RGS6: variants seen among roughly 807,000 people sequenced by gnomAD.
The protein encoded by RGS6 is regulator of G protein signaling 6, also known as regulator of G-protein signaling 6.
In RGS6, 30 loss-of-function variants were observed where a neutral mutation model predicts 78.5. That is an observed-to-expected ratio of 0.38 (90% CI 0.29 to 0.52). RGS6 has a LOEUF of 0.52. RGS6 is among the 20% of genes least tolerant of loss of function. The pLI, the probability that RGS6 is intolerant of heterozygous loss-of-function variation, is 0.85. For synonymous variants in RGS6, 206 were observed against 206.0 expected, an observed-to-expected ratio of 1.00 and a Z score of 0.00; for missense variants, 495 against 609.7, an observed-to-expected ratio of 0.81 and a Z score of 1.98.
At chr14:72,078,604 C>T (rs1039775411) in intron 2 of RGS6, among the ~76,000 whole-genome samples, 2 of 151,918 alleles carry the variant, frequency 1.3e-5, no homozygotes, top group South Asian at 2.1e-4. Context: ...TTAGTAGAGA[C>T]GGGGTTTCAC....
the RGS6 span, among the ~76,000 whole-genome samples, chr14:71,892,620 C>G: frequency 2.2e-4 from 33 of 152,314 alleles, no homozygotes; most frequent in South Asian, 3.3e-3. Context: ...CGAGCTCTTC[C>G]AAGGATGTGG....
chr14:72,065,282 A>AT (rs1481541059), intron 2 of RGS6, among the ~76,000 whole-genome samples: 1 of 152,058 alleles, frequency 6.6e-6, no homozygotes, highest in African/African-American at 2.4e-5. Flanking sequence ...TACAAATTGC[A>AT]TTTTTTCCTG....
chr14:72,199,466 C>A (rs1334746821), intron 2 of RGS6, among the ~76,000 whole-genome samples: 1 of 152,146 alleles, frequency 6.6e-6, no homozygotes, highest in Non-Finnish European at 1.5e-5. Context: ...TTTTATCTTT[C>A]TTTTAGAAAG....
the RGS6 span, among the ~76,000 whole-genome samples, chr14:72,628,291 A>G: frequency 6.6e-6 from 1 of 152,088 alleles, no homozygotes; most frequent in Non-Finnish European, 1.5e-5. Flanking sequence ...ATATCCCACA[A>G]TCACTATTTT....
chr14:72,018,695 G>A (rs1596160938), intron 2 of RGS6, among the ~76,000 whole-genome samples: 1 of 152,220 alleles, frequency 6.6e-6, no homozygotes, highest in Non-Finnish European at 1.5e-5. Context: ...CTCGGGCAGA[G>A]CCCACAGACT....
intron 2 of RGS6, among the ~76,000 whole-genome samples, chr14:72,113,813 G>T (rs1373778943): frequency 6.6e-6 from 1 of 152,174 alleles, no homozygotes; most frequent in Non-Finnish European, 1.5e-5. Context: ...AAGTCGCATG[G>T]CTGTGCCCAA....
chr14:72,100,409 C>T (rs1018607804), intron 2 of RGS6, among the ~76,000 whole-genome samples: 3 of 152,112 alleles, frequency 2.0e-5, no homozygotes, highest in Non-Finnish European at 2.9e-5. Flanking sequence ...GCAGGAGAAT[C>T]GCTTGAACCT....
chr14:72,032,831 A>G (rs1436986704), intron 2 of RGS6, among the ~76,000 whole-genome samples: 1 of 152,188 alleles, frequency 6.6e-6, no homozygotes, highest in African/African-American at 2.4e-5. Flanking sequence ...ATATATATGT[A>G]TATCAAATTT....
chr14:71,999,625 ATGAATG>A (rs1414573472), intron 2 of RGS6, among the ~76,000 whole-genome samples: 1 of 104,858 alleles, frequency 9.5e-6, no homozygotes, highest in Non-Finnish European at 2.3e-5. Flanking sequence ...TGGATCCTTC[ATGAATG>A]GTTTAGCACC....
At chr14:72,056,656 T>C (rs984336386) in intron 2 of RGS6, among the ~76,000 whole-genome samples, 5 of 152,230 alleles carry the variant, frequency 3.3e-5, no homozygotes, top group African/African-American at 9.6e-5. Flanking sequence ...TTTAGAAAAT[T>C]TATATTCATT....
chr14:72,284,920 T>A (rs2062243705), intron 2 of RGS6, among the ~76,000 whole-genome samples: 1 of 152,328 alleles, frequency 6.6e-6, no homozygotes, highest in East Asian at 1.9e-4. Flanking sequence ...AGGAGATCAT[T>A]TTCAAGCTTT....
intron 2 of RGS6, among the ~76,000 whole-genome samples, chr14:72,329,228 A>G (rs769922334): frequency 2.4e-4 from 37 of 152,380 alleles, no homozygotes; most frequent in Non-Finnish European, 4.3e-4. Flanking sequence ...TCTCTTGTCC[A>G]TTCTCATTTA....
At chr14:71,919,035 A>T in the RGS6 span, among the ~76,000 whole-genome samples, 3 of 151,884 alleles carry the variant, frequency 2.0e-5, no homozygotes, top group African/African-American at 7.3e-5. Flanking sequence ...ACCATATATG[A>T]TCTACCCCAG....
chr14:72,207,667 C>T (rs190387395), intron 2 of RGS6, among the ~76,000 whole-genome samples: 9 of 152,310 alleles, frequency 5.9e-5, no homozygotes, highest in Admixed American at 3.3e-4. Flanking sequence ...TCTCACTCTG[C>T]CTTCCGGTTT....
intron 2 of RGS6, among the ~76,000 whole-genome samples, chr14:72,277,326 G>A (rs1041117675): frequency 3.9e-5 from 6 of 152,150 alleles, no homozygotes; most frequent in African/African-American, 7.2e-5. Context: ...AGCCGGGTGC[G>A]GTGGCTCACG....
In RGS6 at chr14:72,473,027, C is replaced by T. The variant is rs10131497; in HGVS notation, c.618+74C>T. 0.12 allele frequency: 126,790 copies of T among 1,019,270 alleles called. 8,416 individuals carry two copies. The highest frequency in any genetic ancestry group is 0.18 in the Admixed American group (6,898 of 38,376). 63.1% of individuals were successfully genotyped at this position (1,019,270 alleles called of 1,614,324 possible). ...ATTTTTATCTCTATAAAGAAAAGAC[C>T]GTCTTTAGCCACCAGGTGTCTCATT... On this transcript the variant is annotated intron_variant, in intron 9 of 17. Coordinates refer to ENST00000553525, the MANE Select transcript of RGS6 (RefSeq NM_001204424.2).
In RGS6 at chr14:72,459,378, T is replaced by A. The variant is rs2238184; in HGVS notation, c.343-254T>A. Among the ~76,000 whole-genome samples the A allele has an allele frequency of 0.15, 22,319 of 152,272 alleles. 1,846 individuals carry two copies. The highest frequency in any genetic ancestry group is 0.24 in the Middle Eastern group (70 of 294). ...TACTTAGACCTCTATTGTCTCAGGA[T>A]AAGAATATATTGCCCTGTGAACAAA... On this transcript the variant is annotated intron_variant, in intron 5 of 17. Coordinates refer to ENST00000553525, the MANE Select transcript of RGS6 (RefSeq NM_001204424.2).
At chr14:72,609,095 G>C in the RGS6 span, among the ~76,000 whole-genome samples, 1 of 152,184 alleles carries the variant, frequency 6.6e-6, no homozygotes, top group East Asian at 1.9e-4. Context: ...GATTCACTAC[G>C]TGGGTAGTCA....
intron 2 of RGS6, among the ~76,000 whole-genome samples, chr14:72,283,290 C>T (rs2061904680): frequency 6.6e-6 from 1 of 152,100 alleles, no homozygotes. Context: ...GCTATATACC[C>T]AGAAGTGGGA....
Sources: gnomAD v4.1 joint callset for allele counts (sites outside exome capture counted in the v4.1 genomes callset) on GRCh38, gnomAD v4.1.1 for gene constraint, MANE v1.5 for transcripts, NCBI Gene and HGNC (gene_info 2026-07-23, HGNC 2026-07-21) for gene names.